The following RNF216 variants were observed in gnomAD, a reference collection of about 807,000 sequenced individuals.
RNF216 encodes E3 ubiquitin-protein ligase RNF216.
Under a neutral mutation model 110.8 loss-of-function variants are expected in RNF216, and 72 were observed. That is an observed-to-expected ratio of 0.65 (90% confidence interval 0.54 to 0.79). The LOEUF is 0.79. Ranked by LOEUF, RNF216 falls within the 30% of genes least tolerant of loss-of-function variation. The pLI is 0.00. For synonymous variants in RNF216, 495 were observed against 407.5 expected, an observed-to-expected ratio of 1.21 and a Z score of -2.59; for missense variants, 1,342 against 1,141.2, an observed-to-expected ratio of 1.18 and a Z score of -2.54.
intron 3 of RNF216, among the ~76,000 whole-genome samples, chr7:5,743,008 A>G (rs1000978429): frequency 6.6e-6 from 1 of 152,116 alleles, no homozygotes; most frequent in South Asian, 2.1e-4. Flanking sequence ...CATGCCTGTA[A>G]TCCCAGCATT....
intron 15 of RNF216, among the ~76,000 whole-genome samples, chr7:5,640,439 C>T (rs925874919): frequency 6.6e-6 from 1 of 152,156 alleles, no homozygotes; most frequent in Non-Finnish European, 1.5e-5. Flanking sequence ...GATCTGAGGC[C>T]GGCCCCTGGG....
At chr7:5,651,572 C>T (rs1788389532) in intron 14 of RNF216, among the ~76,000 whole-genome samples, 1 of 152,080 alleles carries the variant, frequency 6.6e-6, no homozygotes, top group Non-Finnish European at 1.5e-5. Flanking sequence ...TAGATATGCA[C>T]CCTCAGCTGC....
intron 13 of RNF216, among the ~76,000 whole-genome samples, chr7:5,682,575 T>A (rs1327543743): frequency 6.6e-6 from 1 of 151,994 alleles, no homozygotes; most frequent in Non-Finnish European, 1.5e-5. Context: ...GCCGGGCTAT[T>A]TTTGTATTTT....
chr7:5,714,028 A>C (rs924239582), intron 11 of RNF216, among the ~76,000 whole-genome samples: 1 of 152,192 alleles, frequency 6.6e-6, no homozygotes, highest in East Asian at 1.9e-4. Context: ...TCTGAGACAG[A>C]GTCTCGCCCT....
At chr7:5,683,262 TA>T (rs200768498) in intron 13 of RNF216, among the ~76,000 whole-genome samples, 1 of 150,332 alleles carries the variant, frequency 6.7e-6, no homozygotes. Flanking sequence ...GTTTATTCAT[TA>T]AAAAAAAAGG....
chr7:5,691,009 C>A (rs1370949229), intron 13 of RNF216, among the ~76,000 whole-genome samples: 2 of 152,202 alleles, frequency 1.3e-5, no homozygotes, highest in African/African-American at 4.8e-5. Flanking sequence ...CTCCACACAC[C>A]CCCTGCAGCA....
intron 6 of RNF216, among the ~76,000 whole-genome samples, chr7:5,730,094 T>C (rs967575328): frequency 6.6e-6 from 1 of 152,250 alleles, no homozygotes; most frequent in Non-Finnish European, 1.5e-5. Flanking sequence ...AACAGATGTA[T>C]AGTATACGCT....
intron 13 of RNF216, among the ~76,000 whole-genome samples, chr7:5,708,649 T>C (rs1792457099): frequency 6.6e-6 from 1 of 152,210 alleles, no homozygotes; most frequent in South Asian, 2.1e-4. Context: ...CTCAGGCTTT[T>C]GTTTTCCTTT....
intron 1 of RNF216, among the ~76,000 whole-genome samples, chr7:5,773,038 C>T (rs1796581275): frequency 6.6e-6 from 1 of 152,036 alleles, no homozygotes; most frequent in South Asian, 2.1e-4. Context: ...CCTCAGCCTC[C>T]CACAGTGGTG....
chr7:5,722,874 T>C (rs1793522701), intron 8 of RNF216, among the ~76,000 whole-genome samples: 1 of 151,890 alleles, frequency 6.6e-6, no homozygotes, highest in Non-Finnish European at 1.5e-5. Context: ...CGCACACCTG[T>C]AATTAATTCC....
At chr7:5,626,037 G>A (rs963877309) in intron 15 of RNF216, among the ~76,000 whole-genome samples, 2 of 152,200 alleles carry the variant, frequency 1.3e-5, no homozygotes, top group Non-Finnish European at 2.9e-5. Flanking sequence ...CATGAAGAGA[G>A]GAGAGGTGAC....
At position 5,622,636 on chromosome 7, in the gene RNF216, A is replaced by T. The variant is rs1045797633; in HGVS notation, c.*224T>A. The T allele has an allele frequency of 3.7e-6, 2 of 538,282 alleles. No homozygotes were observed. The highest frequency in any genetic ancestry group is 6.6e-6 in the Non-Finnish European group (2 of 303,862). The allele number at this position is 538,282 out of a possible 1,614,324, so 33.3% of individuals were successfully genotyped here. On this transcript the variant is annotated 3_prime_UTR_variant, in exon 17 of 17. Coordinates refer to ENST00000389902, the MANE Select transcript of RNF216 (RefSeq NM_207111.4). Reference sequence around the variant, plus strand: ...GGATGCGAGGGGAGGGGCAGTTCACATCGCAGCTCTCTCCGAACTCCACCA... The same window carrying T: ...GGATGCGAGGGGAGGGGCAGTTCACTTCGCAGCTCTCTCCGAACTCCACCA...
At chr7:5,714,776 GTAACCT>G (rs1224795387) in intron 11 of RNF216, among the ~76,000 whole-genome samples, 2 of 152,084 alleles carry the variant, frequency 1.3e-5, no homozygotes, top group African/African-American at 4.8e-5. Flanking sequence ...TCTTTCTGAG[GTAACCT>G]TCCCTCTGAA....
In RNF216 at chr7:5,679,778, C is replaced by G. The variant is rs149969612; in HGVS notation, c.2062-27268G>C. ...CGTATCTGTGTGAGTGCCTGCATTT[C>G]TAACAACTGGCCCTGTGGGAATGAG... On this transcript the variant is annotated intron_variant, in intron 13 of 16. Coordinates refer to ENST00000389902, the MANE Select transcript of RNF216 (RefSeq NM_207111.4). Among the ~76,000 whole-genome samples, 137 of 152,296 alleles carry G rather than the reference C, an allele frequency of 9.0e-4. 1 individual carries two copies. The highest frequency in any genetic ancestry group is 3.2e-3 in the African/African-American group (131 of 41,556).
chr7:5,680,348 T>G lies in RNF216; in HGVS notation c.2062-27838A>C, dbSNP rs1233165428. 2 of 152,126 alleles carry G rather than the reference T, an allele frequency of 1.3e-5. No homozygotes were observed. The highest frequency in any genetic ancestry group is 1.3e-4 in the Admixed American group (2 of 15,264). The allele number at this position is 152,126 out of a possible 1,614,324, so 9.4% of individuals were successfully genotyped here. On this transcript the variant is annotated intron_variant, in intron 13 of 16. Coordinates refer to ENST00000389902, the MANE Select transcript of RNF216 (RefSeq NM_207111.4). The surrounding 1 kb of genome is among the most constrained non-coding windows in gnomAD (Gnocchi z 4.3). Reference sequence around the variant, plus strand: ...CGATCCACTCCCCCAAGCCCAAGTCTCCTACCCGAGTCCTCCACGTGGTGG... The same window carrying G: ...CGATCCACTCCCCCAAGCCCAAGTCGCCTACCCGAGTCCTCCACGTGGTGG...
chr7:5,675,855 A>G (rs1201869327), intron 13 of RNF216, among the ~76,000 whole-genome samples: 1 of 150,984 alleles, frequency 6.6e-6, no homozygotes, highest in Non-Finnish European at 1.5e-5. Context: ...GATTACAGGC[A>G]TGCACCACCA....
rs1793683105 is a variant in RNF216 at position 5,725,319 on chromosome 7, A to G, written c.1504+5T>C. ...ACACACTGCCACCAACACAGTTTGC[A>G]TTACCTTGTTCAAACTTGAAATCAA... On this transcript the variant is annotated splice_donor_5th_base_variant and intron_variant, in intron 8 of 16. Coordinates refer to ENST00000389902, the MANE Select transcript of RNF216 (RefSeq NM_207111.4). 1 of 1,528,334 alleles carries G rather than the reference A, an allele frequency of 6.5e-7. No homozygotes were observed. 94.7% of individuals were successfully genotyped at this position (1,528,334 alleles called of 1,614,324 possible).
At chr7:5,704,328 A>G (rs1792152176) in intron 13 of RNF216, among the ~76,000 whole-genome samples, 1 of 152,238 alleles carries the variant, frequency 6.6e-6, no homozygotes, top group Non-Finnish European at 1.5e-5. Context: ...GCAATGAGAA[A>G]GCAGGTGCCC....
chr7:5,747,933 T>C (rs1795122600), intron 3 of RNF216, among the ~76,000 whole-genome samples: 1 of 151,998 alleles, frequency 6.6e-6, no homozygotes, highest in African/African-American at 2.4e-5. Context: ...TTTGAGCCAC[T>C]GTGTCTGCCC....
Sources: gnomAD v4.1 joint callset for allele counts (sites outside exome capture counted in the v4.1 genomes callset) on GRCh38, gnomAD v4.1.1 for gene constraint, Gnocchi (gnomAD v3.1) non-coding constraint, MANE v1.5 for transcripts, NCBI Gene and HGNC (gene_info 2026-07-23, HGNC 2026-07-21) for gene names.